PLEKHG7: variants seen among roughly 807,000 people sequenced by gnomAD.
PLEKHG7 encodes pleckstrin homology domain-containing family G member 7.
Under a neutral mutation model 85.2 loss-of-function variants are expected in PLEKHG7, and 77 were observed. The observed-to-expected ratio is 0.90, with a 90% confidence interval of 0.75 to 1.09. PLEKHG7 has a LOEUF of 1.09. Ranked by LOEUF, PLEKHG7 falls within the 50% of genes least tolerant of loss-of-function variation. PLEKHG7 has a pLI of 0.00. For missense variants in PLEKHG7, 777 were observed against 804.3 expected (o/e 0.97, Z 0.41); for synonymous variants, 301 against 302.4 (o/e 1.00, Z 0.05).
At chr12:92,750,469 A>G (rs933200152) in intron 10 of PLEKHG7, among the ~76,000 whole-genome samples, 3 of 152,118 alleles carry the variant, frequency 2.0e-5, no homozygotes, top group Admixed American at 6.6e-5. Context: ...CTTCTTGCCA[A>G]TTGTTACCTG....
chr12:92,705,442 C>A (rs1319170714), intron 1 of PLEKHG7, among the ~76,000 whole-genome samples: 1 of 152,230 alleles, frequency 6.6e-6, no homozygotes, highest in Non-Finnish European at 1.5e-5. Context: ...AATTATTAGC[C>A]ATTCTTAAAT....
intron 4 of PLEKHG7, among the ~76,000 whole-genome samples, chr12:92,731,665 A>G (rs1464132185): frequency 6.6e-6 from 1 of 152,224 alleles, no homozygotes; most frequent in Non-Finnish European, 1.5e-5. Flanking sequence ...TCTCAAGTCA[A>G]AGCAACTCCT....
chr12:92,739,108 G>C (rs1472956341), intron 7 of PLEKHG7, among the ~76,000 whole-genome samples: 2 of 152,218 alleles, frequency 1.3e-5, no homozygotes, highest in East Asian at 3.8e-4. Flanking sequence ...CATGGCATTA[G>C]CCACATCCTA....
chr12:92,747,043 A>G (rs188512395), intron 10 of PLEKHG7, among the ~76,000 whole-genome samples: 69 of 152,340 alleles, frequency 4.5e-4, no homozygotes, highest in South Asian at 8.3e-4. Flanking sequence ...ACTATATTAA[A>G]CTAAACGGCT....
chr12:92,749,885 T>A (rs912931124), intron 10 of PLEKHG7, among the ~76,000 whole-genome samples: 27 of 140,432 alleles, frequency 1.9e-4, no homozygotes, highest in African/African-American at 2.6e-4. Flanking sequence ...ATTTTATTTT[T>A]TATTTTATTT....
intron 3 of PLEKHG7, among the ~76,000 whole-genome samples, chr12:92,724,145 A>G (rs1270297601): frequency 6.6e-6 from 1 of 152,168 alleles, no homozygotes; most frequent in Non-Finnish European, 1.5e-5. Context: ...AGCACTCAGC[A>G]TTTTATGTTA....
intron 10 of PLEKHG7, among the ~76,000 whole-genome samples, chr12:92,748,448 A>G (rs1273908655): frequency 6.6e-6 from 1 of 151,980 alleles, no homozygotes. Context: ...GGGCTTCACT[A>G]TGTTGGCCAG....
chr12:92,704,496 C>T (rs1312160143), intron 1 of PLEKHG7, among the ~76,000 whole-genome samples: 1 of 152,200 alleles, frequency 6.6e-6, no homozygotes, highest in East Asian at 1.9e-4. Flanking sequence ...CTTAACTGAA[C>T]ATAAGTTTCC....
chr12:92,748,349 C>A (rs1256754448), intron 10 of PLEKHG7, among the ~76,000 whole-genome samples: 1 of 151,666 alleles, frequency 6.6e-6, no homozygotes, highest in Non-Finnish European at 1.5e-5. Flanking sequence ...CAGGTTCAAG[C>A]GATTCTTCTG....
At chr12:92,725,927 C>G (rs191949072) in intron 3 of PLEKHG7, among the ~76,000 whole-genome samples, 133 of 152,204 alleles carry the variant, frequency 8.7e-4, no homozygotes, top group African/African-American at 2.8e-3. Context: ...GATACAGAAG[C>G]CCACTTCAGA....
intron 3 of PLEKHG7, among the ~76,000 whole-genome samples, chr12:92,716,999 T>A (rs1264137250): frequency 6.6e-6 from 1 of 152,174 alleles, no homozygotes; most frequent in Non-Finnish European, 1.5e-5. Flanking sequence ...AGTGAAACTG[T>A]GTTGGTGGAA....
intron 15 of PLEKHG7, among the ~76,000 whole-genome samples, chr12:92,767,431 T>C (rs760814362): frequency 3.3e-5 from 5 of 152,006 alleles, no homozygotes; most frequent in Non-Finnish European, 2.9e-5. Flanking sequence ...AATGACCTGA[T>C]CTTTAAAGCC....
At chr12:92,759,579 G>A (rs1232345517) in intron 13 of PLEKHG7, among the ~76,000 whole-genome samples, 1 of 152,172 alleles carries the variant, frequency 6.6e-6, no homozygotes, top group African/African-American at 2.4e-5. Flanking sequence ...GACTCAGGCT[G>A]GAGCCTTGAT....
At chr12:92,738,136 C>A (rs1872233435) in intron 7 of PLEKHG7, among the ~76,000 whole-genome samples, 1 of 152,194 alleles carries the variant, frequency 6.6e-6, no homozygotes, top group African/African-American at 2.4e-5. Flanking sequence ...GGCTACCACC[C>A]ACATGCAATT....
Position 92,706,850 on chromosome 12 carries a change from C to T in PLEKHG7, c.219C>T (p.Ser73=). ...QDAWQVTTWG[S]WGAPVGFPCY... is the part of the protein sequence containing the mutation. ...CCTGGCAGGTGACCACCTGGGGAAG[C>T]TGGGGAGCTCCTGTGGGCTTCCCAT... is the stretch of plus-strand genomic sequence containing the variant. Residue 73 remains serine, a synonymous_variant, in exon 2 of 17, where the codon AGC becomes AGT. Transcript: ENST00000344636. 6.2e-7 allele frequency: 1 copy of T among 1,613,900 alleles called. No individual in the cohort carries two copies. Among genetic ancestry groups the T allele is most frequent in the Non-Finnish European group, 8.5e-7 (1 of 1,180,010 alleles).
intron 14 of PLEKHG7, among the ~76,000 whole-genome samples, chr12:92,762,469 A>AT (rs922704336): frequency 1.3e-5 from 2 of 152,132 alleles, no homozygotes; most frequent in African/African-American, 4.8e-5. Flanking sequence ...GGGAATAGGG[A>AT]TTTTTTTCAC....
Position 92,772,213 on chromosome 12 carries a change from T to G in PLEKHG7, c.*2018T>G, listed in dbSNP as rs190900214. The G allele has an allele frequency of 1.2e-4, 18 of 152,074 alleles. 1 individual carries two copies. Among genetic ancestry groups the G allele is most frequent in the African/African-American group, 4.1e-4 (17 of 41,554 alleles). The allele number at this position is 152,074 out of a possible 1,614,324, so 9.4% of individuals were successfully genotyped here. On this transcript the variant is annotated 3_prime_UTR_variant, in exon 17 of 17. Coordinates refer to ENST00000344636, the MANE Select transcript of PLEKHG7 (RefSeq NM_001377329.1). The stretch of plus-strand genomic sequence containing the variant: ...TTTTAAGTATCTTTAAATGGTCATC[T>G]GGGTATTAAATGCAGACACACAATG...
At chr12:92,749,487 C>T (rs961480732) in intron 10 of PLEKHG7, 2 of 152,216 alleles carry the variant, frequency 1.3e-5, no homozygotes, top group Non-Finnish European at 1.5e-5. Flanking sequence ...GATGGGGTCT[C>T]GCTAGGTTGC....
chr12:92,745,467 C>T lies in PLEKHG7; in HGVS notation c.1138-11C>T. On this transcript the variant is annotated splice_polypyrimidine_tract_variant and intron_variant, in intron 9 of 16. Coordinates refer to ENST00000344636, the MANE Select transcript of PLEKHG7 (RefSeq NM_001377329.1). ...TGTGTTCATCCTCCTTCTGCTCTTC[C>T]TTTCTTGCAGTATTTCCGAGGGAGT... is the stretch of plus-strand genomic sequence containing the variant. The T allele has an allele frequency of 6.3e-7, 1 of 1,578,252 alleles. No individual in the cohort carries two copies. The highest frequency in any genetic ancestry group is 8.7e-7 in the Non-Finnish European group (1 of 1,147,554).
Sources: allele counts gnomAD v4.1 joint callset (sites outside exome capture counted in the v4.1 genomes callset), GRCh38; gene constraint gnomAD v4.1.1; transcripts MANE v1.5; gene names NCBI Gene and HGNC (gene_info 2026-07-23, HGNC 2026-07-21).